SAMM50: variants seen among roughly 807,000 people sequenced by gnomAD.
SAMM50 encodes the protein sorting and assembly machinery component 50 homolog.
A neutral mutation model predicts 66.9 loss-of-function variants in SAMM50; 47 were observed. The ratio of observed to expected loss-of-function variants is 0.70; its 90% CI spans 0.56 to 0.90. The LOEUF is 0.90. SAMM50 is among the 40% of genes least tolerant of loss of function. The pLI is 0.00. For synonymous variants in SAMM50, 191 were observed against 214.1 expected (o/e 0.89, Z 0.94); for missense variants, 535 against 595.3 (o/e 0.90, Z 1.05).
chr22:43,984,058 C>G, intron 12 of SAMM50, 58 bp downstream of exon 12: 1 of 1,458,736 alleles, frequency 6.9e-7, no homozygotes, highest in Non-Finnish European at 9.5e-7. Context: ...ACTTTGGAAA[C>G]CATGTACCTG....
intron 8 of SAMM50, 135 bp from the exon 9 acceptor site, chr22:43,976,615 C>T (rs1603419446): frequency 1.4e-6 from 1 of 698,020 alleles, no homozygotes; most frequent in Non-Finnish European, 2.6e-6. Flanking sequence ...CTCACTTCCT[C>T]CAAGGGCTCT....
rs114882200 is a variant in SAMM50 at position 43,992,239 on chromosome 22, T to C, written c.1364+1833T>C. Among the ~76,000 whole-genome samples the C allele has an allele frequency of 8.4e-3, 1,274 of 152,340 alleles. 24 individuals are homozygous for C. Among genetic ancestry groups the C allele is most frequent in the African/African-American group, 0.029 (1,211 of 41,566 alleles). On this transcript the variant is annotated intron_variant, in intron 14 of 14. Transcript: ENST00000350028. ...GGTGCTTTGTAAAGGGGAGCCGCAT[T>C]CGCAAGTGTTTCTGAGCATCGCCTC... is the stretch of plus-strand genomic sequence containing the variant.
At position 43,989,067 on chromosome 22, in the gene SAMM50, C is replaced by T. The variant is rs375309170; in HGVS notation, c.1076-44C>T. 2.5e-5 allele frequency: 40 copies of T among 1,585,860 alleles called. No individual in the cohort carries two copies. In the African/African-American group the frequency reaches 4.3e-4, roughly 17 times the overall value. ...TTGTGGAAAGTTAACGTGATGTTAA[C>T]CTTGTCGGACCTTGTTTTTGTTCTG... On this transcript the variant is annotated intron_variant, in intron 12 of 14. Transcript: ENST00000350028.
chr22:43,976,693 A>G, intron 8 of SAMM50, 57 bp from the exon 9 acceptor site: 1 of 1,322,006 alleles, frequency 7.6e-7, no homozygotes, highest in Non-Finnish European at 1.1e-6. Context: ...GTGAGTGCTC[A>G]TGGTTATCTA....
intron 1 of SAMM50, among the ~76,000 whole-genome samples, chr22:43,959,507 T>TGCACACAC (rs1555887096): frequency 7.2e-6 from 1 of 138,492 alleles, no homozygotes; most frequent in South Asian, 2.5e-4. Flanking sequence ...TTTTTTATAT[T>TGCACACAC]ACACACACAC....
intron 14 of SAMM50, among the ~76,000 whole-genome samples, chr22:43,994,531 G>T (rs1224755338): frequency 2.0e-5 from 3 of 152,196 alleles, no homozygotes; most frequent in African/African-American, 7.2e-5. Context: ...CATGCTGGGT[G>T]CTTCCTGGCC....
chr22:43,957,915 T>C (rs1227046274), intron 1 of SAMM50, among the ~76,000 whole-genome samples: 1 of 152,092 alleles, frequency 6.6e-6, no homozygotes, highest in African/African-American at 2.4e-5. Flanking sequence ...CCTGCCACCA[T>C]GTTCGGCTAA....
At chr22:43,964,410 T>C in intron 2 of SAMM50, 42 bp from the exon 3 acceptor site, 1 of 1,003,520 alleles carries the variant, frequency 1.0e-6, no homozygotes, top group Non-Finnish European at 1.5e-6. Context: ...CTAATCTGTT[T>C]GCCTCATGTC....
intron 13 of SAMM50, among the ~76,000 whole-genome samples, 182 bp from the exon 14 acceptor site, chr22:43,990,083 G>A (rs752021409): frequency 1.3e-5 from 2 of 152,216 alleles, no homozygotes; most frequent in Non-Finnish European, 2.9e-5. Context: ...GAGTAAGTGT[G>A]GCTCCAAGTC....
intron 14 of SAMM50, among the ~76,000 whole-genome samples, chr22:43,991,372 G>A (rs1307464537): frequency 1.3e-5 from 2 of 150,508 alleles, no homozygotes; most frequent in East Asian, 2.0e-4. Flanking sequence ...TGACCTCCTG[G>A]GCTCAAGTGA....
chr22:43,993,753 A>G (rs1275025418), intron 14 of SAMM50, among the ~76,000 whole-genome samples: 1 of 152,198 alleles, frequency 6.6e-6, no homozygotes, highest in Non-Finnish European at 1.5e-5. Context: ...TGCCAGATTT[A>G]ATCTTCATTT....
At chr22:43,992,194 C>T (rs746350063) in intron 14 of SAMM50, among the ~76,000 whole-genome samples, 4 of 152,200 alleles carry the variant, frequency 2.6e-5, no homozygotes, top group African/African-American at 4.8e-5. Context: ...CTCCGTCTTC[C>T]GCATCAGCAT....
intron 1 of SAMM50, among the ~76,000 whole-genome samples, chr22:43,961,530 A>G (rs1407234424): frequency 6.6e-6 from 1 of 152,104 alleles, no homozygotes; most frequent in Non-Finnish European, 1.5e-5. Context: ...GCTCACTGCA[A>G]CCTCTGTCTC....
chr22:43,996,313 C>A, intron 14 of SAMM50, 25 bp from the exon 15 acceptor site: 1 of 1,613,892 alleles, frequency 6.2e-7, no homozygotes, highest in Non-Finnish European at 8.5e-7. Context: ...GCGGCCGCCG[C>A]ATCTGATCTC....
At position 43,996,414 on chromosome 22, in the gene SAMM50, T is replaced by C. The variant is rs769741633; in HGVS notation, c.*31T>C. The C allele has an allele frequency of 1.2e-6, 2 of 1,611,226 alleles. No individual in the cohort carries two copies. The highest frequency in any genetic ancestry group is 1.3e-5 in the African/African-American group (1 of 74,890). On this transcript the variant is annotated 3_prime_UTR_variant, in exon 15 of 15. Coordinates refer to ENST00000350028, the MANE Select transcript of SAMM50 (RefSeq NM_015380.5). Reference sequence around the variant, plus strand: ...ACCCCTACAGGAGAAGCTCTGGGACTGGGGCAGCAGCAAGGCGCCCATGCC... The same window carrying C: ...ACCCCTACAGGAGAAGCTCTGGGACCGGGGCAGCAGCAAGGCGCCCATGCC...
At chr22:43,956,901 A>T in intron 1 of SAMM50, 1 of 459,712 alleles carries the variant, frequency 2.2e-6, no homozygotes, top group Non-Finnish European at 3.8e-6. Flanking sequence ...CTGTAAAATC[A>T]ATGGGGATGC....
intron 3 of SAMM50, 78 bp downstream of exon 3, chr22:43,964,631 A>G: frequency 3.8e-6 from 3 of 795,180 alleles, no homozygotes; most frequent in Non-Finnish European, 4.3e-6. Context: ...GAAACCACAG[A>G]GCACCCTGCG....
chr22:43,961,544 G>T (rs2050147157), intron 1 of SAMM50, among the ~76,000 whole-genome samples: 1 of 152,118 alleles, frequency 6.6e-6, no homozygotes, highest in African/African-American at 2.4e-5. Context: ...CTGTCTCCTG[G>T]GTTCAAGCGA....
At position 43,977,870 on chromosome 22, in the gene SAMM50, A is replaced by T; in HGVS notation, c.850-2A>T. 6.2e-7 allele frequency: 1 copy of T among 1,612,062 alleles called. No homozygotes were observed. The highest frequency in any genetic ancestry group is 8.5e-7 in the Non-Finnish European group (1 of 1,178,272). On this transcript the variant is annotated splice_acceptor_variant, in intron 9 of 14. Coordinates refer to ENST00000350028, the MANE Select transcript of SAMM50 (RefSeq NM_015380.5). LOFTEE classifies it high-confidence loss of function. The stretch of plus-strand genomic sequence containing the variant: ...TTTGACCTGAGTGCTCCTTCCCTGC[A>T]GGAACTGGCAGGCTACACTGGCGGG...
Sources: allele counts gnomAD v4.1 joint callset (sites outside exome capture counted in the v4.1 genomes callset), GRCh38; gene constraint gnomAD v4.1.1; transcripts MANE v1.5; gene names NCBI Gene and HGNC (gene_info 2026-07-23, HGNC 2026-07-21).